Variants in ACKR2 observed in about 807,000 individuals in gnomAD.
ACKR2 encodes the protein C-C chemokine receptor D6.
For synonymous variants in ACKR2, 207 were observed against 192.2 expected, an observed-to-expected ratio of 1.08 and a Z score of -0.64; for missense variants, 457 against 477.3, an observed-to-expected ratio of 0.96 and a Z score of 0.40.
intron 1 of ACKR2, among the ~76,000 whole-genome samples, chr3:42,815,848 C>T (rs978567977): frequency 6.6e-6 from 1 of 152,288 alleles, no homozygotes; most frequent in East Asian, 1.9e-4. Flanking sequence ...GGAAGAACAG[C>T]TCTAAAATGA....
intron 2 of ACKR2, among the ~76,000 whole-genome samples, chr3:42,830,022 A>G (rs1700914669): frequency 6.6e-6 from 1 of 151,816 alleles, no homozygotes; most frequent in African/African-American, 2.4e-5. Flanking sequence ...GATGTCTAAT[A>G]TTTACTAAAC....
chr3:42,818,382 C>G (rs1700775042), intron 1 of ACKR2, among the ~76,000 whole-genome samples: 1 of 152,176 alleles, frequency 6.6e-6, no homozygotes, highest in Non-Finnish European at 1.5e-5. Context: ...AACTGAATGA[C>G]CAGGGGTCAG....
chr3:42,838,727 A>G (rs1480293370), intron 2 of ACKR2, among the ~76,000 whole-genome samples: 3 of 152,208 alleles, frequency 2.0e-5, no homozygotes, highest in African/African-American at 4.8e-5. Context: ...ATGAAAACCT[A>G]TGTTCACACA....
intron 2 of ACKR2, among the ~76,000 whole-genome samples, chr3:42,845,848 C>CAAAAAAAAAAAAAAAAAAAAAAAAA (rs35395771): frequency 4.0e-5 from 2 of 49,388 alleles, no homozygotes; most frequent in Non-Finnish European, 4.8e-5. Context: ...GACTCCGTCT[C>CAAAAAAAAAAAAAAAAAAAAAAAAA]AAAAAAAAAA....
At chr3:42,843,397 C>G (rs77942995) in intron 2 of ACKR2, among the ~76,000 whole-genome samples, 2,666 of 152,220 alleles carry the variant, frequency 0.018, 32 homozygotes, top group Middle Eastern at 0.051. Context: ...AACTATGAAA[C>G]AGAAAGGAAT....
chr3:42,813,972 T>C (rs1263622133), intron 1 of ACKR2, among the ~76,000 whole-genome samples: 2 of 152,214 alleles, frequency 1.3e-5, no homozygotes, highest in East Asian at 3.8e-4. Context: ...CCAAACTTAA[T>C]GTAATAACGA....
intron 2 of ACKR2, among the ~76,000 whole-genome samples, chr3:42,827,851 C>T (rs1334401307): frequency 6.6e-6 from 1 of 152,134 alleles, no homozygotes; most frequent in African/African-American, 2.4e-5. Context: ...CTCTCACCCA[C>T]AGGGAGACGC....
At chr3:42,844,804 G>A (rs1213916911) in intron 2 of ACKR2, among the ~76,000 whole-genome samples, 1 of 152,146 alleles carries the variant, frequency 6.6e-6, no homozygotes, top group Non-Finnish European at 1.5e-5. Context: ...TCACTGTGAG[G>A]GTCACCACTC....
chr3:42,821,271 G>T (rs1000700838), intron 2 of ACKR2, among the ~76,000 whole-genome samples: 1 of 152,130 alleles, frequency 6.6e-6, no homozygotes, highest in Non-Finnish European at 1.5e-5. Context: ...TGATCCACAG[G>T]CTATAGTGAG....
chr3:42,846,401 C>T (rs1303748154), intron 2 of ACKR2, among the ~76,000 whole-genome samples: 3 of 152,220 alleles, frequency 2.0e-5, no homozygotes, highest in Non-Finnish European at 4.4e-5. Flanking sequence ...AGAAAGCTGA[C>T]AGCTCATCCT....
At chr3:42,838,949 G>T (rs147411816) in intron 2 of ACKR2, 90 of 152,332 alleles carry the variant, frequency 5.9e-4, no homozygotes, top group African/African-American at 2.0e-3. Flanking sequence ...CAACAGAAAA[G>T]ACTTGAATAA....
intron 2 of ACKR2, among the ~76,000 whole-genome samples, chr3:42,847,340 G>A (rs111709968): frequency 2.6e-4 from 39 of 152,316 alleles, no homozygotes; most frequent in Middle Eastern, 3.4e-3. Context: ...GGACAGCACA[G>A]AAAGAGGAAG....
intron 2 of ACKR2, among the ~76,000 whole-genome samples, chr3:42,827,404 C>T (rs1700879594): frequency 6.6e-6 from 1 of 152,190 alleles, no homozygotes; most frequent in Admixed American, 6.5e-5. Context: ...TATTCCAATT[C>T]AGTCTTTCTA....
chr3:42,821,761 A>G (rs572791009), intron 2 of ACKR2, among the ~76,000 whole-genome samples: 21 of 151,814 alleles, frequency 1.4e-4, no homozygotes, highest in African/African-American at 4.8e-4. Flanking sequence ...CAGTGGCGCT[A>G]TCTCGGCTCA....
chr3:42,814,733 C>T (rs566119794), intron 1 of ACKR2, among the ~76,000 whole-genome samples: 1 of 152,254 alleles, frequency 6.6e-6, no homozygotes, highest in East Asian at 1.9e-4. Context: ...AAGACTCAGT[C>T]CCTGCCATGA....
intron 1 of ACKR2, among the ~76,000 whole-genome samples, chr3:42,812,176 T>G (rs1010998740): frequency 6.6e-6 from 1 of 152,222 alleles, no homozygotes; most frequent in African/African-American, 2.4e-5. Context: ...GTGGAGGGGC[T>G]GGCCCCCTTC....
chr3:42,821,257 C>T (rs935872017), intron 2 of ACKR2, among the ~76,000 whole-genome samples: 1 of 152,184 alleles, frequency 6.6e-6, no homozygotes, highest in African/African-American at 2.4e-5. Context: ...ATTCAGAATG[C>T]TTGTGATCCA....
At position 42,865,477 on chromosome 3, in the gene ACKR2, T is replaced by G; in HGVS notation, c.975T>G (p.Ala325=). 6.2e-7 allele frequency: 1 copy of G among 1,614,174 alleles called. No individual in the cohort carries two copies. ...SSHRFRQYLK[A]FLAAVLGWHL... ...ACCGCTTCCGCCAGTACCTGAAGGC[T>G]TTCCTGGCTGCCGTGCTTGGATGGC... Residue 325 remains alanine, a synonymous_variant, in exon 3 of 3, where the codon GCT becomes GCG. Coordinates refer to ENST00000422265, the MANE Select transcript of ACKR2 (RefSeq NM_001296.5).
At chr3:42,858,201 G>A (rs946843161) in intron 2 of ACKR2, among the ~76,000 whole-genome samples, 1 of 152,208 alleles carries the variant, frequency 6.6e-6, no homozygotes, top group Non-Finnish European at 1.5e-5. Context: ...CCTCAAGTGG[G>A]TCCCTGACCC....
Sources: allele counts gnomAD v4.1 joint callset (sites outside exome capture counted in the v4.1 genomes callset), GRCh38; gene constraint gnomAD v4.1.1; transcripts MANE v1.5; gene names NCBI Gene and HGNC (gene_info 2026-07-23, HGNC 2026-07-21).